CABIN1: variants seen among roughly 807,000 people sequenced by gnomAD.
CABIN1 encodes the protein calcineurin binding protein 1.
CABIN1 carries 133 observed loss-of-function variants against 227.7 expected under a neutral mutation model. The ratio of observed to expected loss-of-function variants is 0.58; its 90% CI spans 0.51 to 0.67. The LOEUF is 0.67. Ranked by LOEUF, CABIN1 falls within the 30% of genes least tolerant of loss-of-function variation. The probability of loss-of-function intolerance (pLI) is 0.00; values close to 1 mark genes in which losing one functional copy is unlikely to be tolerated. For missense variants in CABIN1, 2,408 were observed against 2,852.5 expected (o/e 0.84, Z 3.55); for synonymous variants, 1,086 against 1,155.1 (o/e 0.94, Z 1.21).
chr22:24,170,282 T>C, intron 33 of CABIN1: 1 of 388,716 alleles, frequency 2.6e-6, no homozygotes, highest in South Asian at 1.8e-5. Context: ...TTGGAGGCCA[T>C]TTCCTGCCAT....
At position 24,167,175 on chromosome 22, in the gene CABIN1, G is replaced by A. The variant is rs764277213; in HGVS notation, c.5544G>A (p.Lys1848=). The A allele has an allele frequency of 6.2e-7, 1 of 1,610,378 alleles. No individual in the cohort carries two copies. Among genetic ancestry groups the A allele is most frequent in the South Asian group, 1.1e-5 (1 of 90,204 alleles). The change falls in exon 32 of 37, where the codon AAG becomes AAA. Residue 1848 remains lysine (K), a synonymous_variant. Coordinates refer to ENST00000263119, the MANE Select transcript of CABIN1 (RefSeq NM_012295.4). ...TCTCCCGGCTCAGCCGCAAGAGGAA[G>A]CTCCTGGAGGACACAGAGTCAGGCA... ...EPLSRLSRKR[K]LLEDTESGKT...
intron 1 of CABIN1, among the ~76,000 whole-genome samples, chr22:24,017,786 C>T (rs549532788): frequency 6.6e-6 from 1 of 151,814 alleles, no homozygotes; most frequent in South Asian, 2.1e-4. Flanking sequence ...GGGTTGCTTT[C>T]ACCATTTTTT....
chr22:24,101,246 TC>T (rs1403555386), intron 26 of CABIN1, among the ~76,000 whole-genome samples: 1 of 152,192 alleles, frequency 6.6e-6, no homozygotes, highest in Non-Finnish European at 1.5e-5. Flanking sequence ...AAACCAGAAA[TC>T]AGCTAGGATC....
At chr22:24,082,085 CTTTTTTTTTT>C (rs71184946) in intron 19 of CABIN1, among the ~76,000 whole-genome samples, 1 of 121,182 alleles carries the variant, frequency 8.3e-6, no homozygotes, top group African/African-American at 3.0e-5. Context: ...TATTCTCTCT[CTTTTTTTTTT>C]TTTTTTTTTT....
At chr22:24,126,753 C>G (rs1012765127) in intron 28 of CABIN1, among the ~76,000 whole-genome samples, 4 of 152,160 alleles carry the variant, frequency 2.6e-5, no homozygotes, top group Non-Finnish European at 4.4e-5. Context: ...AATCCCAGCT[C>G]TTTGGGAGGC....
At chr22:24,059,138 C>G in intron 10 of CABIN1, 89 bp from the exon 11 acceptor site, 1 of 1,554,706 alleles carries the variant, frequency 6.4e-7, no homozygotes, top group Non-Finnish European at 8.9e-7. Flanking sequence ...TTCTTCCTGA[C>G]TCAGATTTAG....
In CABIN1 at chr22:24,076,296, C is replaced by G. The variant is rs765931470; in HGVS notation, c.2748+12C>G. On this transcript the variant is annotated intron_variant, in intron 19 of 36. Coordinates refer to ENST00000263119, the MANE Select transcript of CABIN1 (RefSeq NM_012295.4). ...TGCTGCGATTCTATGTAAGTGCTTC[C>G]CCTTGGGCTGCAGACTGCCAGTGCG... The G allele has an allele frequency of 1.2e-6, 2 of 1,607,182 alleles. No homozygotes were observed. The highest frequency in any genetic ancestry group is 2.2e-5 in the South Asian group (2 of 90,910).
intron 26 of CABIN1, among the ~76,000 whole-genome samples, chr22:24,105,556 G>C (rs1044225643): frequency 6.6e-6 from 1 of 152,108 alleles, no homozygotes; most frequent in Non-Finnish European, 1.5e-5. Flanking sequence ...AAAGAAATCA[G>C]CTCTCAGCTC....
rs534757924 is a variant in CABIN1 at position 24,132,519 on chromosome 22, C to T, written c.4633-1783C>T. 1.1e-4 allele frequency among the ~76,000 whole-genome samples: 16 copies of T among 152,220 alleles called. No individual in the cohort carries two copies. The East Asian group carries it at 1.7e-3, about 17-fold the overall frequency. On this transcript the variant is annotated intron_variant, in intron 28 of 36. Transcript: ENST00000263119. ...TCAAGAGGCTTCTGAATGAGTGGCC[C>T]GGGAAGCAGGCTTTCCAAAGCCTGG...
intron 1 of CABIN1, among the ~76,000 whole-genome samples, chr22:24,031,838 G>A (rs2036522726): frequency 6.6e-6 from 1 of 152,196 alleles, no homozygotes; most frequent in African/African-American, 2.4e-5. Flanking sequence ...TCTGGCCATG[G>A]GCTGTCGGCC....
chr22:24,019,135 T>C (rs889908889), intron 1 of CABIN1, among the ~76,000 whole-genome samples: 1 of 133,290 alleles, frequency 7.5e-6, no homozygotes, highest in African/African-American at 2.8e-5. Flanking sequence ...TTTTTTTTTT[T>C]TTTTTTTTTT....
At chr22:24,051,680 G>C (rs1410200645) in intron 8 of CABIN1, among the ~76,000 whole-genome samples, 1 of 152,120 alleles carries the variant, frequency 6.6e-6, no homozygotes, top group Non-Finnish European at 1.5e-5. Flanking sequence ...GCCTGGATCA[G>C]ACTGACCTGA....
chr22:24,037,114 G>A (rs1162922340), intron 3 of CABIN1, among the ~76,000 whole-genome samples: 1 of 152,010 alleles, frequency 6.6e-6, no homozygotes, highest in Non-Finnish European at 1.5e-5. Flanking sequence ...ATAAAAATTA[G>A]CTGGGCGTGG....
At chr22:24,029,757 A>G (rs2036360354) in intron 1 of CABIN1, among the ~76,000 whole-genome samples, 1 of 152,178 alleles carries the variant, frequency 6.6e-6, no homozygotes, top group Non-Finnish European at 1.5e-5. Flanking sequence ...TCATGGACCT[A>G]ATGTATGTGA....
At chr22:24,119,270 A>G (rs2066931311) in intron 27 of CABIN1, 97 bp from the exon 28 acceptor site, 5 of 1,040,744 alleles carry the variant, frequency 4.8e-6, no homozygotes, top group Non-Finnish European at 7.4e-6. Flanking sequence ...AGCCGTGCTG[A>G]TCACTTCACC....
At chr22:24,163,349 C>A (rs117202464) in intron 29 of CABIN1, among the ~76,000 whole-genome samples, 1 of 152,122 alleles carries the variant, frequency 6.6e-6, no homozygotes, top group Non-Finnish European at 1.5e-5. Context: ...CACCTGTGTA[C>A]AGATACTGTG....
At chr22:24,164,305 G>A in intron 29 of CABIN1, 95 bp from the exon 30 acceptor site, 1 of 1,503,520 alleles carries the variant, frequency 6.7e-7, no homozygotes, top group Non-Finnish European at 9.1e-7. Context: ...GTCCCCTTTG[G>A]CACTGTGGCA....
At position 24,166,633 on chromosome 22, in the gene CABIN1, T is replaced by C; in HGVS notation, c.5008-6T>C. The C allele has an allele frequency of 2.5e-6, 4 of 1,612,706 alleles. No individual in the cohort carries two copies. Among genetic ancestry groups the C allele is most frequent in the Non-Finnish European group, 3.4e-6 (4 of 1,179,898 alleles). On this transcript the variant is annotated splice_polypyrimidine_tract_variant and splice_region_variant and intron_variant, in intron 31 of 36. Transcript: ENST00000263119. ...ACACAGCTTCTTACCTTTGGTTTCT[T>C]TGTAGGGGTCAGAACGCCCAGGGCC...
intron 29 of CABIN1, among the ~76,000 whole-genome samples, chr22:24,143,469 G>C (rs143849924): frequency 1.6e-4 from 25 of 152,326 alleles, no homozygotes; most frequent in African/African-American, 6.0e-4. Context: ...TTTTGGTGTG[G>C]CTCCAACTGG....
Sources: gnomAD v4.1 joint callset for allele counts (sites outside exome capture counted in the v4.1 genomes callset) on GRCh38, gnomAD v4.1.1 for gene constraint, MANE v1.5 for transcripts, NCBI Gene and HGNC (gene_info 2026-07-23, HGNC 2026-07-21) for gene names.